The following DLG2 variants were observed in gnomAD, a reference collection of about 807,000 sequenced individuals.
The protein encoded by DLG2 is disks large homolog 2.
DLG2 carries 45 observed loss-of-function variants against 132.5 expected under a neutral mutation model. The ratio of observed to expected loss-of-function variants is 0.34; its 90% CI spans 0.27 to 0.44. The LOEUF is 0.44. Ranked by LOEUF, DLG2 falls within the 20% of genes least tolerant of loss-of-function variation. The probability of loss-of-function intolerance (pLI) is 1.00; values close to 1 mark genes in which losing one functional copy is unlikely to be tolerated. For synonymous variants in DLG2, 424 were observed against 419.6 expected, an observed-to-expected ratio of 1.01 and a Z score of -0.13; for missense variants, 1,045 against 1,196.9, an observed-to-expected ratio of 0.87 and a Z score of 1.87.
intron 18 of DLG2, among the ~76,000 whole-genome samples, chr11:83,670,441 A>G (rs559473557): frequency 6.6e-6 from 1 of 152,108 alleles, no homozygotes; most frequent in Non-Finnish European, 1.5e-5. Context: ...CTTGGTCACC[A>G]TGATAGGTTT....
At chr11:83,586,174 G>A (rs1187622673) in intron 19 of DLG2, among the ~76,000 whole-genome samples, 1 of 152,190 alleles carries the variant, frequency 6.6e-6, no homozygotes, top group East Asian at 1.9e-4. Context: ...TTCAGGAGTG[G>A]GGCATGGGCA....
intron 18 of DLG2, among the ~76,000 whole-genome samples, chr11:83,747,087 TGAG>T (rs770321339): frequency 7.2e-5 from 11 of 152,048 alleles, no homozygotes; most frequent in Non-Finnish European, 1.5e-4. Flanking sequence ...ATTATACAAA[TGAG>T]GAGAAGTGGT....
intron 18 of DLG2, among the ~76,000 whole-genome samples, chr11:83,780,789 C>G (rs12281417): frequency 0.39 from 58,850 of 151,914 alleles, 11,695 homozygotes; most frequent in Middle Eastern, 0.59. Flanking sequence ...CCTGCTAAAA[C>G]CACTGAGCCA....
intron 7 of DLG2, among the ~76,000 whole-genome samples, chr11:84,373,596 C>T (rs1174339684): frequency 6.6e-6 from 1 of 151,622 alleles, no homozygotes; most frequent in Non-Finnish European, 1.5e-5. Flanking sequence ...AAAAGAAATA[C>T]CAGTTAGGGT....
chr11:84,868,710 GATTC>G (rs1379123562), intron 6 of DLG2, among the ~76,000 whole-genome samples: 1 of 152,154 alleles, frequency 6.6e-6, no homozygotes, highest in Admixed American at 6.5e-5. Context: ...AGACTCGTAG[GATTC>G]ATTCACAGAA....
At chr11:84,810,547 T>G (rs187183906) in intron 6 of DLG2, among the ~76,000 whole-genome samples, 5 of 152,276 alleles carry the variant, frequency 3.3e-5, no homozygotes, top group Admixed American at 2.0e-4. Context: ...TATAAAATGG[T>G]ACAACCACTC....
At chr11:83,540,628 AGAGTTATTCT>A (rs1415991109) in intron 20 of DLG2, among the ~76,000 whole-genome samples, 1 of 152,150 alleles carries the variant, frequency 6.6e-6, no homozygotes, top group Non-Finnish European at 1.5e-5. Context: ...AATACCCCAC[AGAGTTATTCT>A]GAGGTTTAAG....
chr11:84,270,946 C>T (rs984442839), intron 7 of DLG2, among the ~76,000 whole-genome samples: 4 of 152,062 alleles, frequency 2.6e-5, no homozygotes, highest in Admixed American at 6.6e-5. Flanking sequence ...GGATTTATTA[C>T]GATACTGTAA....
chr11:85,300,192 C>T (rs545681917), intron 3 of DLG2, among the ~76,000 whole-genome samples: 7 of 152,182 alleles, frequency 4.6e-5, no homozygotes, highest in Non-Finnish European at 8.8e-5. Flanking sequence ...TTCCATACTT[C>T]ACTTCCAATT....
chr11:83,687,292 A>G (rs1163648746), intron 18 of DLG2, among the ~76,000 whole-genome samples: 2 of 152,212 alleles, frequency 1.3e-5, no homozygotes, highest in Non-Finnish European at 2.9e-5. Flanking sequence ...ATCCTCATTT[A>G]GTACATGAGG....
intron 4 of DLG2, among the ~76,000 whole-genome samples, chr11:85,185,812 GACTGCTA>G (rs1305647306): frequency 6.6e-6 from 1 of 151,676 alleles, no homozygotes; most frequent in Non-Finnish European, 1.5e-5. Context: ...GTATGTTAGT[GACTGCTA>G]ACTACTTCCC....
At chr11:85,242,502 C>T (rs2075935705) in intron 4 of DLG2, among the ~76,000 whole-genome samples, 1 of 151,534 alleles carries the variant, frequency 6.6e-6, no homozygotes, top group Non-Finnish European at 1.5e-5. Context: ...TTAATTTTCT[C>T]TTTTCTGGAA....
At chr11:85,409,071 C>T (rs58550177) in intron 3 of DLG2, among the ~76,000 whole-genome samples, 7,370 of 151,958 alleles carry the variant, frequency 0.049, 231 homozygotes, top group East Asian at 0.095. Flanking sequence ...GAATGGATTG[C>T]TCCAAGTTGC....
At chr11:83,933,435 C>T (rs988314019) in intron 14 of DLG2, among the ~76,000 whole-genome samples, 1 of 152,172 alleles carries the variant, frequency 6.6e-6, no homozygotes, top group Non-Finnish European at 1.5e-5. Context: ...TTATAAAGAG[C>T]CATAGATAAT....
At position 84,940,295 on chromosome 11, in the gene DLG2, C is replaced by T. The variant is rs545230624; in HGVS notation, c.357+171366G>A. On this transcript the variant is annotated intron_variant, in intron 6 of 27. Transcript: ENST00000376104. The stretch of plus-strand genomic sequence containing the variant: ...CCTCCTGAGTAGCTGGGACTACAGG[C>T]ATGTGCCACCACACCTGGCTAATCT... Among the ~76,000 whole-genome samples the T allele has an allele frequency of 5.3e-5, 8 of 152,304 alleles. No individual in the cohort carries two copies. The East Asian group carries it at 1.5e-3, about 29-fold the overall frequency.
chr11:85,589,195 G>A (rs555859805), intron 3 of DLG2, among the ~76,000 whole-genome samples: 1 of 152,322 alleles, frequency 6.6e-6, no homozygotes, highest in African/African-American at 2.4e-5. Context: ...AGGACCACTG[G>A]TTAGCCAGGA....
chr11:84,133,591 T>G (rs2094496659), intron 9 of DLG2, among the ~76,000 whole-genome samples: 1 of 151,498 alleles, frequency 6.6e-6, no homozygotes, highest in African/African-American at 2.4e-5. Flanking sequence ...AATTAATCAT[T>G]TTTGTTTTGG....
intron 19 of DLG2, among the ~76,000 whole-genome samples, chr11:83,620,780 G>T (rs1290518375): frequency 7.1e-6 from 1 of 140,302 alleles, no homozygotes; most frequent in Non-Finnish European, 1.5e-5. Context: ...TGAGGCAGGA[G>T]AATGGCGTGA....
intron 8 of DLG2, among the ~76,000 whole-genome samples, chr11:84,205,625 A>G (rs913748005): frequency 1.3e-4 from 20 of 152,112 alleles, no homozygotes; most frequent in African/African-American, 4.8e-4. Context: ...ATCATAAAGA[A>G]AATAAAAAAT....
Sources: allele counts gnomAD v4.1 joint callset (sites outside exome capture counted in the v4.1 genomes callset), GRCh38; gene constraint gnomAD v4.1.1; transcripts MANE v1.5; gene names NCBI Gene and HGNC (gene_info 2026-07-23, HGNC 2026-07-21).